The following PTPRG variants were observed in gnomAD, a reference collection of about 807,000 sequenced individuals.
PTPRG encodes protein tyrosine phosphatase receptor type G, also known as receptor-type tyrosine-protein phosphatase gamma.
A neutral mutation model predicts 165.3 loss-of-function variants in PTPRG; 102 were observed. The ratio of observed to expected loss-of-function variants is 0.62; its 90% CI spans 0.53 to 0.73. PTPRG has a LOEUF of 0.73. Ranked by LOEUF, PTPRG falls within the 30% of genes least tolerant of loss-of-function variation. The pLI is 0.00. For missense variants in PTPRG, 1,866 were observed against 1,861.4 expected (o/e 1.00, Z -0.05); for synonymous variants, 675 against 669.5 (o/e 1.01, Z -0.13).
In PTPRG at chr3:61,713,414, AC is replaced by A. The variant is rs1257331070; in HGVS notation, c.86-35461del. Among the ~76,000 whole-genome samples, 3 of 148,526 alleles carry A rather than the reference AC, an allele frequency of 2.0e-5. No homozygotes were observed. In the East Asian group the frequency reaches 6.0e-4, roughly 30 times the overall value. ...TCTCAAACTCCTGACCTCGTGATCC[AC>A]CCGCCTCGGCTTCCCAAAGTGCTGG... On this transcript the variant is annotated intron_variant, in intron 1 of 29. Coordinates refer to ENST00000474889, the MANE Select transcript of PTPRG (RefSeq NM_002841.4).
chr3:61,920,580 T>G (rs2039054112), intron 2 of PTPRG, among the ~76,000 whole-genome samples: 1 of 152,030 alleles, frequency 6.6e-6, no homozygotes, highest in African/African-American at 2.4e-5. Context: ...ATTTTTAGTT[T>G]AGACGGGGTT....
intron 2 of PTPRG, among the ~76,000 whole-genome samples, chr3:61,812,748 C>T (rs1205581386): frequency 6.6e-6 from 1 of 152,186 alleles, no homozygotes. Flanking sequence ...GTCTCCCTGC[C>T]CATGTTGGGC....
intron 17 of PTPRG, among the ~76,000 whole-genome samples, chr3:62,266,001 CA>C (rs34725618): frequency 1.3e-5 from 2 of 151,126 alleles, no homozygotes; most frequent in South Asian, 4.2e-4. Flanking sequence ...AGTATTGTGG[CA>C]AAAAAAGGAG....
At chr3:62,132,479 G>T (rs1261983231) in intron 5 of PTPRG, 123 bp from the exon 6 acceptor site, 12 of 771,946 alleles carry the variant, frequency 1.6e-5, no homozygotes, top group Non-Finnish European at 2.3e-5. Context: ...CATGGTGTAT[G>T]TGAGACCTAA....
intron 9 of PTPRG, among the ~76,000 whole-genome samples, chr3:62,193,947 C>T (rs1699899799): frequency 6.6e-6 from 1 of 152,164 alleles, no homozygotes; most frequent in Non-Finnish European, 1.5e-5. Context: ...GCAAGTGCTG[C>T]CTGTTTTTTA....
At chr3:61,967,654 A>G (rs1044806314) in intron 2 of PTPRG, among the ~76,000 whole-genome samples, 2 of 152,210 alleles carry the variant, frequency 1.3e-5, no homozygotes, top group African/African-American at 4.8e-5. Context: ...AATGAGTGAC[A>G]TTCTTCCAAA....
intron 1 of PTPRG, among the ~76,000 whole-genome samples, chr3:61,680,324 G>A (rs1703388070): frequency 6.6e-6 from 1 of 152,010 alleles, no homozygotes; most frequent in Non-Finnish European, 1.5e-5. Flanking sequence ...GTGGAGGTGT[G>A]AAAGGGAGAG....
At position 62,200,235 on chromosome 3, in the gene PTPRG, A is replaced by T. The variant is rs114238992; in HGVS notation, c.1328-1270A>T. ...AACCATACACTTAAACATGGTTAAG[A>T]TAGTAATTATTTTATTTTATTATTT... On this transcript the variant is annotated intron_variant, in intron 10 of 29. Coordinates refer to ENST00000474889, the MANE Select transcript of PTPRG (RefSeq NM_002841.4). Among the ~76,000 whole-genome samples the T allele has an allele frequency of 8.8e-3, 1,338 of 152,200 alleles. 5 individuals carry two copies. Among genetic ancestry groups the T allele is most frequent in the Middle Eastern group, 0.031 (9 of 294 alleles).
chr3:61,843,428 G>T (rs1340613488), intron 2 of PTPRG, among the ~76,000 whole-genome samples: 3 of 152,174 alleles, frequency 2.0e-5, no homozygotes, highest in African/African-American at 7.2e-5. Flanking sequence ...AAAAATAAGA[G>T]ATATAAATGA....
chr3:62,295,159 A>G lies in PTPRG; in HGVS notation c.*1852A>G, dbSNP rs1168249074. On this transcript the variant is annotated 3_prime_UTR_variant, in exon 30 of 30. Coordinates refer to ENST00000474889, the MANE Select transcript of PTPRG (RefSeq NM_002841.4). ...ATAAGATGTTCAAGAGAGCATGCTA[A>G]GTTGCATGTGCTAGATGAGAGACAC... 6.6e-6 allele frequency: 1 copy of G among 152,152 alleles called. No homozygotes were observed. The highest frequency in any genetic ancestry group is 1.5e-5 in the Non-Finnish European group (1 of 68,016). 9.4% of individuals were successfully genotyped at this position (152,152 alleles called of 1,614,324 possible). A position where few individuals can be genotyped will look rare whatever the true frequency, so the allele number is the denominator to read the frequency against.
At chr3:62,103,688 C>A (rs1314952999) in intron 5 of PTPRG, among the ~76,000 whole-genome samples, 1 of 152,168 alleles carries the variant, frequency 6.6e-6, no homozygotes, top group East Asian at 1.9e-4. Flanking sequence ...GGCCAGGTGG[C>A]AGAGTATCTG....
chr3:61,635,148 A>G (rs1263837014), intron 1 of PTPRG, among the ~76,000 whole-genome samples: 1 of 152,098 alleles, frequency 6.6e-6, no homozygotes, highest in Non-Finnish European at 1.5e-5. Context: ...TCAAACAGCC[A>G]TATTACAGGC....
chr3:61,653,188 A>G (rs898089046), intron 1 of PTPRG, among the ~76,000 whole-genome samples: 9 of 151,916 alleles, frequency 5.9e-5, no homozygotes, highest in Admixed American at 2.6e-4. Flanking sequence ...TTTTTTTTCT[A>G]TACATATTAC....
At chr3:61,655,039 G>A (rs1386604617) in intron 1 of PTPRG, among the ~76,000 whole-genome samples, 6 of 149,326 alleles carry the variant, frequency 4.0e-5, no homozygotes, top group Middle Eastern at 3.7e-3. Flanking sequence ...CACCCACCTC[G>A]GCTTCCCAAA....
intron 2 of PTPRG, among the ~76,000 whole-genome samples, chr3:61,833,845 G>A (rs1251922798): frequency 2.0e-5 from 3 of 152,256 alleles, no homozygotes; most frequent in Non-Finnish European, 2.9e-5. Context: ...GATTACAGGC[G>A]TGAGCCACCG....
Position 61,928,170 on chromosome 3 carries a change from G to A in PTPRG, c.191-61455G>A, listed in dbSNP as rs564300777. Among the ~76,000 whole-genome samples, 12 of 152,324 alleles carry A rather than the reference G, an allele frequency of 7.9e-5. No individual in the cohort carries two copies. In the East Asian group the frequency reaches 2.3e-3, roughly 29 times the overall value. On this transcript the variant is annotated intron_variant, in intron 2 of 29. Transcript: ENST00000474889. ...TGTCTGTCAGAGGGAGGATGAAGCC[G>A]AGAGTTGAGTGGCCTTCAAGCTCCC...
chr3:61,802,132 C>G (rs1284474828), intron 2 of PTPRG, among the ~76,000 whole-genome samples: 3 of 152,022 alleles, frequency 2.0e-5, no homozygotes, highest in Non-Finnish European at 2.9e-5. Flanking sequence ...ATGCTGCACC[C>G]TACCCTACAG....
At chr3:61,802,832 C>T (rs1187289432) in intron 2 of PTPRG, among the ~76,000 whole-genome samples, 1 of 152,050 alleles carries the variant, frequency 6.6e-6, no homozygotes, top group African/African-American at 2.4e-5. Context: ...ACCTGGAATA[C>T]CCATGCCCAG....
chr3:61,700,401 A>G (rs565909413), intron 1 of PTPRG, among the ~76,000 whole-genome samples: 24 of 152,242 alleles, frequency 1.6e-4, no homozygotes, highest in Non-Finnish European at 7.3e-5. Flanking sequence ...CTGACTAGAT[A>G]GAAATGAATA....
Sources: gnomAD v4.1 joint callset for allele counts (sites outside exome capture counted in the v4.1 genomes callset) on GRCh38, gnomAD v4.1.1 for gene constraint, MANE v1.5 for transcripts, NCBI Gene and HGNC (gene_info 2026-07-23, HGNC 2026-07-21) for gene names.